RCN1: variants seen among roughly 807,000 people sequenced by gnomAD.
The protein encoded by RCN1 is reticulocalbin-1.
A neutral mutation model predicts 34.7 loss-of-function variants in RCN1; 14 were observed. That is an observed-to-expected ratio of 0.40 (90% CI 0.27 to 0.63). The LOEUF (loss-of-function observed/expected upper bound fraction) is 0.63. Ranked by LOEUF, RCN1 falls within the 30% of genes least tolerant of loss-of-function variation. The probability of loss-of-function intolerance (pLI) is 0.37; values close to 1 mark genes in which losing one functional copy is unlikely to be tolerated. For missense variants in RCN1, 326 were observed against 425.1 expected (o/e 0.77, Z 2.05); for synonymous variants, 125 against 165.5 (o/e 0.76, Z 1.88).
chr11:32,094,522 CA>C (rs1851952215), intron 1 of RCN1, among the ~76,000 whole-genome samples: 1 of 152,162 alleles, frequency 6.6e-6, no homozygotes, highest in Non-Finnish European at 1.5e-5. Context: ...AGGTTTTGCT[CA>C]TTCTGTTACC....
Position 32,104,408 on chromosome 11 carries a change from T to C in RCN1, c.932T>C (p.Met311Thr). The change falls in exon 6 of 6, where the codon ATG becomes ACG. Residue 311 changes from methionine (M) to threonine (T), a missense_variant. Met to Thr is a moderately conservative substitution (Grantham distance 81). Coordinates refer to ENST00000054950, the MANE Select transcript of RCN1 (RefSeq NM_002901.4). The stretch of plus-strand genomic sequence containing the variant: ...GAGGAAATATTGGAGAACTGGAACA[T>C]GTTTGTCGGAAGCCAAGCTACCAAT... ...TKEEILENWN[M>T]FVGSQATNYG... 1.3e-6 allele frequency: 2 copies of C among 1,579,898 alleles called. No individual in the cohort carries two copies. The highest frequency in any genetic ancestry group is 1.7e-6 in the Non-Finnish European group (2 of 1,150,116).
Position 32,091,222 on chromosome 11 carries a change from G to A in RCN1, c.26G>A (p.Arg9His). 1 of 1,459,070 alleles carries A rather than the reference G, an allele frequency of 6.9e-7. No homozygotes were observed. The highest frequency in any genetic ancestry group is 2.8e-5 in the East Asian group (1 of 35,664). The allele number at this position is 1,459,070 out of a possible 1,614,324, so 90.4% of individuals were successfully genotyped here. The change falls in exon 1 of 6, where the codon CGC becomes CAC. Residue 9 changes from arginine to histidine, a missense_variant. By Grantham distance (29) the Arg-to-His change is conservative (BLOSUM62 0). Transcript: ENST00000054950. ...ATGGCGCGCGGTGGCCGCGGCCGCC[G>A]CCTGGGGTTAGCCCTGGGGCTGCTG... MARGGRGR[R>H]LGLALGLLLA...
chr11:32,099,914 G>A (rs1471326030), intron 3 of RCN1, among the ~76,000 whole-genome samples: 2 of 152,188 alleles, frequency 1.3e-5, no homozygotes, highest in Non-Finnish European at 2.9e-5. Context: ...AGTAGACTAC[G>A]AGCCTTTGGG....
rs1852100815 is a variant in RCN1 at position 32,105,487 on chromosome 11, C to T, written c.*1015C>T. On this transcript the variant is annotated 3_prime_UTR_variant, in exon 6 of 6. Coordinates refer to ENST00000054950, the MANE Select transcript of RCN1 (RefSeq NM_002901.4). Reference sequence around the variant, plus strand: ...ACACAACCTGTACAGATTGAAATTTCACCTTGTAAGGAGGAAGTGAATGAA... The same window carrying T: ...ACACAACCTGTACAGATTGAAATTTTACCTTGTAAGGAGGAAGTGAATGAA... 1 of 152,154 alleles carries T rather than the reference C, an allele frequency of 6.6e-6. No individual in the cohort carries two copies. The highest frequency in any genetic ancestry group is 1.5e-5 in the Non-Finnish European group (1 of 68,020). 9.4% of individuals were successfully genotyped at this position (152,154 alleles called of 1,614,324 possible). A position where few individuals can be genotyped will look rare whatever the true frequency, so the allele number is the denominator to read the frequency against.
intron 1 of RCN1, among the ~76,000 whole-genome samples, chr11:32,092,778 G>A (rs1174493001): frequency 1.3e-5 from 2 of 152,134 alleles, no homozygotes; most frequent in Non-Finnish European, 2.9e-5. Context: ...CTGATTCCTG[G>A]GGGTGGAGGA....
chr11:32,097,772 G>T (rs973354661), intron 2 of RCN1, among the ~76,000 whole-genome samples: 1 of 152,174 alleles, frequency 6.6e-6, no homozygotes, highest in African/African-American at 2.4e-5. Context: ...ATTTGGAGAA[G>T]GTGGGTCAAC....
chr11:32,092,469 C>A (rs1188566173), intron 1 of RCN1, among the ~76,000 whole-genome samples: 1 of 151,864 alleles, frequency 6.6e-6, no homozygotes, highest in Non-Finnish European at 1.5e-5. Context: ...GCACTCAGTT[C>A]TTTGGCAACT....
chr11:32,096,994 C>T (rs756768072), intron 1 of RCN1, 150 bp from the exon 2 acceptor site: 25 of 616,136 alleles, frequency 4.1e-5, no homozygotes, highest in Non-Finnish European at 5.5e-5. Context: ...CTTCCAGCCT[C>T]CTTGGATCAT....
chr11:32,100,319 GC>G (rs1852021108), intron 3 of RCN1, among the ~76,000 whole-genome samples: 2 of 112,280 alleles, frequency 1.8e-5, no homozygotes, highest in African/African-American at 5.9e-5. Context: ...GGTACATCTT[GC>G]TTGCTTTGAA....
In RCN1 at chr11:32,097,119, CTTT is replaced by C. The variant is rs374577571; in HGVS notation, c.255-12_255-10del. The stretch of plus-strand genomic sequence containing the variant: ...CAGCCTTGTGCCTGTGTGTGGGTTT[CTTT>C]TTTTTTTTTTTTGTACTGCAGGAAG... On this transcript the variant is annotated intron_variant, in intron 1 of 5. Coordinates refer to ENST00000054950, the MANE Select transcript of RCN1 (RefSeq NM_002901.4). The C allele has an allele frequency of 3.8e-3, 4,837 of 1,285,920 alleles. No individual in the cohort carries two copies. Among genetic ancestry groups the C allele is most frequent in the South Asian group, 0.013 (643 of 50,744 alleles). 79.7% of individuals were successfully genotyped at this position (1,285,920 alleles called of 1,614,324 possible).
chr11:32,102,857 A>C (rs1852062564), intron 4 of RCN1: 2 of 377,260 alleles, frequency 5.3e-6, no homozygotes, highest in South Asian at 4.1e-5. Flanking sequence ...TTTATACAGT[A>C]TCTGGACCAT....
rs1322289035 is a variant in RCN1, at chr11:32,091,444, G to A, written c.248G>A (p.Arg83Lys). The A allele has an allele frequency of 2.6e-6, 4 of 1,544,310 alleles. No individual in the cohort carries two copies. The East Asian group carries it at 7.4e-5, about 29-fold the overall frequency. Residue 83 changes from arginine to lysine, a missense_variant, in exon 1 of 6, where the codon AGG becomes AAG. Coordinates refer to ENST00000054950, the MANE Select transcript of RCN1 (RefSeq NM_002901.4). ...DQLTPDESKE[R>K]LGKIVDRIDN... ...CTCACCCCGGACGAGAGCAAGGAGA[G>A]GCTAGGGTGAGGCCGCGGCCAGGGC... is the stretch of plus-strand genomic sequence containing the variant.
chr11:32,101,573 CAGCAATG>C (rs779799399), intron 4 of RCN1, among the ~76,000 whole-genome samples: 13 of 152,158 alleles, frequency 8.5e-5, no homozygotes, highest in Non-Finnish European at 1.8e-4. Flanking sequence ...CAAGTGCCTT[CAGCAATG>C]AAGAGCAGAC....
intron 5 of RCN1, 59 bp from the exon 6 acceptor site, chr11:32,104,306 T>C: frequency 1.0e-6 from 1 of 981,776 alleles, no homozygotes; most frequent in Admixed American, 1.8e-5. Flanking sequence ...ATGAACATCA[T>C]ACAGAACTAG....
At chr11:32,103,220 G>A in intron 4 of RCN1, 61 bp from the exon 5 acceptor site, 1 of 1,485,898 alleles carries the variant, frequency 6.7e-7, no homozygotes. Context: ...TTGTTTTATG[G>A]GGGTGGGGGA....
chr11:32,096,369 C>T (rs1055038870), intron 1 of RCN1, among the ~76,000 whole-genome samples: 1 of 152,146 alleles, frequency 6.6e-6, no homozygotes, highest in African/African-American at 2.4e-5. Flanking sequence ...TTTAGGGTAC[C>T]TCAGTGGAGT....
intron 1 of RCN1, chr11:32,096,815 G>A (rs1851976920): frequency 4.2e-6 from 1 of 236,916 alleles, no homozygotes. Context: ...TCATCTTACA[G>A]ATCAGCTCTG....
chr11:32,091,531 C>T, intron 1 of RCN1, 81 bp downstream of exon 1: 1 of 1,481,810 alleles, frequency 6.7e-7, no homozygotes, highest in Non-Finnish European at 9.0e-7. Flanking sequence ...GGGATACCAC[C>T]GCCAAAGCGA....
chr11:32,103,622 G>A (rs1672383100), intron 5 of RCN1, 142 bp downstream of exon 5: 1 of 710,920 alleles, frequency 1.4e-6, no homozygotes, highest in South Asian at 1.8e-5. Context: ...GTGGAGACCT[G>A]TAAACTTGAG....
Sources: gnomAD v4.1 joint callset for allele counts (sites outside exome capture counted in the v4.1 genomes callset) on GRCh38, gnomAD v4.1.1 for gene constraint, MANE v1.5 for transcripts, NCBI Gene and HGNC (gene_info 2026-07-23, HGNC 2026-07-21) for gene names.